The following NAV2 variants were observed in gnomAD, a reference collection of about 807,000 sequenced individuals.
NAV2 encodes the protein helicase, APC down-regulated 1.
Under a neutral mutation model 223.2 loss-of-function variants are expected in NAV2, and 54 were observed. The observed-to-expected ratio is 0.24, with a 90% CI of 0.19 to 0.30. NAV2 has a LOEUF of 0.30. Among genes scored for constraint, NAV2 ranks in the 10% least tolerant of loss-of-function variants. The pLI is 1.00. For synonymous variants in NAV2, 1,279 were observed against 1,239.3 expected (o/e 1.03, Z -0.67); for missense variants, 2,806 against 3,147.5 (o/e 0.89, Z 2.60).
In NAV2 at chr11:20,080,861, G is replaced by GT. The variant is rs143379510; in HGVS notation, c.5325+658dup. ...TTTCTGGACAGTGGTGCCTTGAGTGGTTTTTTCCACTCTCCCAGAAAAATT... is the reference window on the plus strand; with the variant it reads ...TTTCTGGACAGTGGTGCCTTGAGTGGTTTTTTTCCACTCTCCCAGAAAAATT... On this transcript the variant is annotated intron_variant, in intron 25 of 37. Coordinates refer to ENST00000349880, the MANE Select transcript of NAV2 (RefSeq NM_145117.5). Among the ~76,000 whole-genome samples the GT allele has an allele frequency of 2.0e-3, 303 of 152,254 alleles. 1 individual carries two copies. Among genetic ancestry groups the GT allele is most frequent in the Admixed American group, 3.5e-3 (54 of 15,298 alleles).
chr11:20,107,916 T>C (rs1392538074), intron 36 of NAV2, 134 bp downstream of exon 36: 2 of 679,548 alleles, frequency 2.9e-6, no homozygotes, highest in African/African-American at 1.8e-5. Context: ...AGTTCATCAG[T>C]GTAGTCCAGT....
intron 31 of NAV2, among the ~76,000 whole-genome samples, 154 bp downstream of exon 31, chr11:20,097,899 C>T (rs568610222): frequency 9.9e-5 from 15 of 152,232 alleles, no homozygotes; most frequent in African/African-American, 3.1e-4. Flanking sequence ...CAAGTTGAAC[C>T]GTCTTTTGCT....
intron 1 of NAV2, among the ~76,000 whole-genome samples, chr11:19,451,467 G>T (rs59697485): frequency 0.026 from 3,888 of 152,248 alleles, 164 homozygotes; most frequent in African/African-American, 0.089. Context: ...CTTTCCAACA[G>T]ATATTTATTG....
chr11:19,892,838 AC>A (rs1208676076), intron 6 of NAV2, among the ~76,000 whole-genome samples: 1 of 152,158 alleles, frequency 6.6e-6, no homozygotes, highest in Non-Finnish European at 1.5e-5. Flanking sequence ...CCCCATAGAC[AC>A]CCGGCTATGC....
chr11:19,721,874 G>A (rs1844313250), intron 1 of NAV2, among the ~76,000 whole-genome samples: 1 of 152,192 alleles, frequency 6.6e-6, no homozygotes, highest in Admixed American at 6.5e-5. Flanking sequence ...TCTCAATTAG[G>A]AAAAATAAGG....
intron 3 of NAV2, among the ~76,000 whole-genome samples, chr11:19,849,759 C>T (rs1185878058): frequency 6.6e-6 from 1 of 152,190 alleles, no homozygotes; most frequent in Non-Finnish European, 1.5e-5. Context: ...CCATAGGCCA[C>T]TTAGAATTTA....
At chr11:19,657,832 G>A (rs950254432) in intron 1 of NAV2, among the ~76,000 whole-genome samples, 2 of 152,140 alleles carry the variant, frequency 1.3e-5, no homozygotes, top group African/African-American at 4.8e-5. Flanking sequence ...CCTTCACCAG[G>A]AAGGGGAGCC....
Position 19,948,679 on chromosome 11 carries a change from T to C in NAV2, c.2256-12T>C, listed in dbSNP as rs1364069809. The C allele has an allele frequency of 1.9e-6, 3 of 1,556,292 alleles. No individual in the cohort carries two copies. The South Asian group carries it at 3.6e-5, about 19-fold the overall frequency. The stretch of plus-strand genomic sequence containing the variant: ...GTACCTTTGAGTCTAATCAGGTTGG[T>C]TTTGTTTCTAGCACATTGGAAACCA... On this transcript the variant is annotated splice_polypyrimidine_tract_variant and intron_variant, in intron 9 of 37. Coordinates refer to ENST00000349880, the MANE Select transcript of NAV2 (RefSeq NM_145117.5).
At chr11:19,856,597 T>A (rs1168543229) in intron 3 of NAV2, among the ~76,000 whole-genome samples, 2 of 152,204 alleles carry the variant, frequency 1.3e-5, no homozygotes, top group African/African-American at 4.8e-5. Flanking sequence ...ACGTTTCTAG[T>A]ATTGTGCCTG....
At chr11:19,733,362 G>A (rs951005261) in intron 1 of NAV2, among the ~76,000 whole-genome samples, 12 of 152,198 alleles carry the variant, frequency 7.9e-5, no homozygotes, top group African/African-American at 2.7e-4. Flanking sequence ...TCACATGGCT[G>A]GTAAATGATA....
intron 3 of NAV2, among the ~76,000 whole-genome samples, chr11:19,865,533 G>A (rs762978677): frequency 2.0e-4 from 31 of 152,118 alleles, no homozygotes; most frequent in Admixed American, 1.5e-3. Flanking sequence ...AGATGAAAGA[G>A]CGTGGGTCTC....
chr11:19,897,832 C>A (rs186511355), intron 6 of NAV2, among the ~76,000 whole-genome samples: 15 of 148,334 alleles, frequency 1.0e-4, no homozygotes, highest in Admixed American at 7.5e-4. Context: ...CCTTTGATTT[C>A]GTTTTCTCTC....
At chr11:19,454,070 C>T (rs999884) in intron 1 of NAV2, among the ~76,000 whole-genome samples, 21,203 of 152,170 alleles carry the variant, frequency 0.14, 1,583 homozygotes, top group East Asian at 0.24. Context: ...CAATGGTTAC[C>T]GGGCTCTGAG....
At position 19,939,896 on chromosome 11, in the gene NAV2, A is replaced by G. The variant is rs1024426536; in HGVS notation, c.2146+123A>G. On this transcript the variant is annotated intron_variant, in intron 8 of 37. Transcript: ENST00000349880. The stretch of plus-strand genomic sequence containing the variant: ...ATTATGTTTGCATTGACTTTGAGCT[A>G]AACAAACTTTCTTTCTTTTTTTTTT... 28 of 535,078 alleles carry G rather than the reference A, an allele frequency of 5.2e-5. No individual in the cohort carries two copies. The African/African-American group carries it at 5.8e-4, about 11-fold the overall frequency. The allele number at this position is 535,078 out of a possible 1,614,324, so 33.1% of individuals were successfully genotyped here. A position where few individuals can be genotyped will look rare whatever the true frequency, so the allele number is the denominator to read the frequency against.
intron 1 of NAV2, among the ~76,000 whole-genome samples, chr11:19,545,566 T>C (rs1207914835): frequency 2.0e-5 from 3 of 151,956 alleles, no homozygotes; most frequent in Non-Finnish European, 2.9e-5. Context: ...TAGCTTGGAG[T>C]GAGTAGACTG....
chr11:20,040,004 C>G (rs915380651), intron 12 of NAV2, among the ~76,000 whole-genome samples: 1 of 152,180 alleles, frequency 6.6e-6, no homozygotes, highest in East Asian at 1.9e-4. Flanking sequence ...CTCTTCAGCC[C>G]TGTATTTTCC....
In NAV2 at chr11:19,396,311, G is replaced by A. The variant is rs770730061; in HGVS notation, c.75+45284G>A. Among the ~76,000 whole-genome samples, 14 of 152,102 alleles carry A rather than the reference G, an allele frequency of 9.2e-5. 1 individual carries two copies. The highest frequency in any genetic ancestry group is 6.2e-4 in the South Asian group (3 of 4,814). ...CCAAGATCGCATGGTGAGGAAGTACGGAGGCAGGATTCAAACCCAAGCAGG... is the reference window on the plus strand; with the variant it reads ...CCAAGATCGCATGGTGAGGAAGTACAGAGGCAGGATTCAAACCCAAGCAGG... On this transcript the variant is annotated intron_variant, in intron 1 of 37. Coordinates refer to the NAV2 transcript ENST00000360655.
intron 3 of NAV2, among the ~76,000 whole-genome samples, chr11:19,859,872 A>C (rs1419212177): frequency 9.0e-6 from 1 of 111,700 alleles, no homozygotes; most frequent in Non-Finnish European, 1.9e-5. Flanking sequence ...CGGGGGGCTG[A>C]CCCCCCCACC....
chr11:20,107,661 C>T lies in NAV2; in HGVS notation c.6842-3C>T. On this transcript the variant is annotated splice_region_variant and splice_polypyrimidine_tract_variant and intron_variant, in intron 35 of 37. Coordinates refer to ENST00000349880, the MANE Select transcript of NAV2 (RefSeq NM_145117.5). Reference sequence around the variant, plus strand: ...GCTAATGTATTTTCACTGTGGTCTCCAGGCCCCCGGCTCTTCCTGTCATGC... The same window carrying T: ...GCTAATGTATTTTCACTGTGGTCTCTAGGCCCCCGGCTCTTCCTGTCATGC... 1 of 1,612,900 alleles carries T rather than the reference C, an allele frequency of 6.2e-7. No individual in the cohort carries two copies. The highest frequency in any genetic ancestry group is 1.7e-4 in the Middle Eastern group (1 of 6,054).
Sources: gnomAD v4.1 joint callset for allele counts (sites outside exome capture counted in the v4.1 genomes callset) on GRCh38, gnomAD v4.1.1 for gene constraint, MANE v1.5 for transcripts, NCBI Gene and HGNC (gene_info 2026-07-23, HGNC 2026-07-21) for gene names.